The following ITSN2 variants were observed in gnomAD, a reference collection of about 807,000 sequenced individuals.
ITSN2 encodes the protein intersectin-2.
ITSN2 carries 156 observed loss-of-function variants against 243.7 expected under a neutral mutation model. The ratio of observed to expected loss-of-function variants is 0.64; its 90% CI spans 0.56 to 0.73. ITSN2 has a LOEUF of 0.73. ITSN2 is among the 30% of genes least tolerant of loss of function. ITSN2 has a pLI of 0.00. For missense variants in ITSN2, 1,801 were observed against 1,996.1 expected, an observed-to-expected ratio of 0.90 and a Z score of 1.86; for synonymous variants, 703 against 699.9, an observed-to-expected ratio of 1.00 and a Z score of -0.07.
At chr2:24,270,591 A>G in intron 20 of ITSN2, 80 bp downstream of exon 20, 3 of 714,284 alleles carry the variant, frequency 4.2e-6, no homozygotes, top group Non-Finnish European at 7.3e-6. Context: ...TATGAAATTA[A>G]TGGTCAACAT....
chr2:24,246,370 C>T, intron 28 of ITSN2, 50 bp from the exon 29 acceptor site: 2 of 1,105,216 alleles, frequency 1.8e-6, no homozygotes, highest in Non-Finnish European at 2.6e-6. Flanking sequence ...ATTATTCCTG[C>T]AAGGGTCAAT....
At chr2:24,306,637 G>A (rs1233984560) in intron 8 of ITSN2, among the ~76,000 whole-genome samples, 1 of 152,052 alleles carries the variant, frequency 6.6e-6, no homozygotes, top group Non-Finnish European at 1.5e-5. Context: ...TTTTGTAAAT[G>A]TCTTTTTCAT....
intron 29 of ITSN2, among the ~76,000 whole-genome samples, chr2:24,242,461 A>G (rs1484148212): frequency 6.6e-6 from 1 of 152,166 alleles, no homozygotes; most frequent in African/African-American, 2.4e-5. Context: ...ATTCATCTAT[A>G]AAAAGCTGGG....
rs982363840 is a variant in ITSN2 at position 24,211,107 on chromosome 2, G to A, written c.4090-160C>T. Among the ~76,000 whole-genome samples, 1 of 152,158 alleles carries A rather than the reference G, an allele frequency of 6.6e-6. No individual in the cohort carries two copies. The highest frequency in any genetic ancestry group is 2.4e-5 in the African/African-American group (1 of 41,426). ...GACACTTTCCGCCCTTGAGAAACTC[G>A]TACTCCCACAAGTTCTTGGGGACAC... On this transcript the variant is annotated intron_variant, in intron 33 of 39. Transcript: ENST00000355123. This position sits in a 1 kb window ranked among gnomAD's most constrained non-coding sequence, Gnocchi z 4.1.
chr2:24,206,412 G>T, intron 37 of ITSN2: 1 of 290,170 alleles, frequency 3.4e-6, no homozygotes. Flanking sequence ...GGGGAGGAAG[G>T]TGGAGATGCA....
chr2:24,356,254 A>G (rs1258722959), intron 1 of ITSN2, among the ~76,000 whole-genome samples: 2 of 150,308 alleles, frequency 1.3e-5, no homozygotes, highest in African/African-American at 4.9e-5. Flanking sequence ...AATCCCAGCT[A>G]CTTGGGAGGT....
intron 9 of ITSN2, among the ~76,000 whole-genome samples, chr2:24,303,331 C>CT (rs1299668085): frequency 6.6e-6 from 1 of 152,188 alleles, no homozygotes; most frequent in Non-Finnish European, 1.5e-5. Flanking sequence ...TACTGATGAT[C>CT]TTGACCCTCT....
intron 1 of ITSN2, among the ~76,000 whole-genome samples, chr2:24,328,889 A>G (rs1212274811): frequency 6.6e-6 from 1 of 152,240 alleles, no homozygotes; most frequent in Non-Finnish European, 1.5e-5. Flanking sequence ...ACACAAAATT[A>G]TTAAAATACA....
At chr2:24,319,712 C>A (rs1684330397) in intron 2 of ITSN2, among the ~76,000 whole-genome samples, 1 of 152,242 alleles carries the variant, frequency 6.6e-6, no homozygotes, top group African/African-American at 2.4e-5. Flanking sequence ...GTTAGAGGCA[C>A]TATCAACCTG....
In ITSN2 at chr2:24,281,768, T is replaced by C. The variant is rs561283475; in HGVS notation, c.1944+2995A>G. Among the ~76,000 whole-genome samples, 8 of 152,348 alleles carry C rather than the reference T, an allele frequency of 5.3e-5. No individual in the cohort carries two copies. In the South Asian group the frequency reaches 1.5e-3, roughly 28 times the overall value. ...TCTCCTGAAACTTCCTAATCTTCCA[T>C]CCATTCTCCTCACTACCAGCTATAA... On this transcript the variant is annotated intron_variant, in intron 17 of 39. Transcript: ENST00000355123.
chr2:24,317,682 C>G (rs1025419780), intron 2 of ITSN2, among the ~76,000 whole-genome samples: 1 of 152,186 alleles, frequency 6.6e-6, no homozygotes, highest in African/African-American at 2.4e-5. Flanking sequence ...AAATTGAAAA[C>G]AAATCTCAAC....
chr2:24,246,169 G>C lies in ITSN2; in HGVS notation c.3537C>G (p.Asn1179Lys), dbSNP rs1218626491. The C allele has an allele frequency of 6.2e-7, 1 of 1,613,320 alleles. No individual in the cohort carries two copies. The highest frequency in any genetic ancestry group is 2.2e-5 in the East Asian group (1 of 44,834). Residue 1179 changes from asparagine (N) to lysine (K), a missense_variant, in exon 29 of 40, where the codon AAC (asparagine) becomes AAG (lysine). Asn to Lys is a moderately conservative substitution (Grantham distance 94). Transcript: ENST00000355123. ...INGVTGLFPS[N>K]YVKMTTDSDP... is the part of the protein sequence containing the mutation. ...CTGAGTCTGTCGTCATCTTAACGTAGTTTGAAGGAAAGAGACCAGTCACCC... is the reference window on the plus strand; with the variant it reads ...CTGAGTCTGTCGTCATCTTAACGTACTTTGAAGGAAAGAGACCAGTCACCC...
chr2:24,322,081 T>C (rs1040061692), intron 2 of ITSN2, among the ~76,000 whole-genome samples: 1 of 152,158 alleles, frequency 6.6e-6, no homozygotes, highest in African/African-American at 2.4e-5. Flanking sequence ...TCATGTTCCT[T>C]CTAATTCAGA....
intron 4 of ITSN2, among the ~76,000 whole-genome samples, chr2:24,313,100 T>C (rs867371717): frequency 1.1e-4 from 17 of 148,252 alleles, no homozygotes; most frequent in South Asian, 2.2e-4. Context: ...TTTTTTTTTT[T>C]CTAAAGAGAG....
chr2:24,211,069 C>A lies in ITSN2; in HGVS notation c.4090-122G>T. ...CTGCTTCCATGCCCTGGAAACGCGG[C>A]GGTGAACAAGACGACACTTTCCGCC... On this transcript the variant is annotated intron_variant, in intron 33 of 39. Transcript: ENST00000355123. The surrounding 1 kb of genome is among the most constrained non-coding windows in gnomAD (Gnocchi z 4.1). 1.1e-6 allele frequency: 1 copy of A among 889,196 alleles called. No individual in the cohort carries two copies. The highest frequency in any genetic ancestry group is 1.7e-5 in the South Asian group (1 of 59,600). The allele number at this position is 889,196 out of a possible 1,614,324, so 55.1% of individuals were successfully genotyped here.
chr2:24,279,721 A>ATT (rs1574125875), intron 17 of ITSN2, among the ~76,000 whole-genome samples: 4 of 118,464 alleles, frequency 3.4e-5, no homozygotes, highest in Admixed American at 1.7e-4. Flanking sequence ...AGATGTGTGA[A>ATT]TTTTCTTTTT....
At chr2:24,337,438 C>G (rs184276161) in intron 1 of ITSN2, among the ~76,000 whole-genome samples, 1 of 146,348 alleles carries the variant, frequency 6.8e-6, no homozygotes, top group Non-Finnish European at 1.5e-5. Context: ...GCAACCTCAG[C>G]CTCCTGGGTT....
intron 29 of ITSN2, among the ~76,000 whole-genome samples, chr2:24,224,969 A>G (rs895033816): frequency 6.6e-6 from 1 of 152,016 alleles, no homozygotes; most frequent in Non-Finnish European, 1.5e-5. Context: ...TTTCCAACCC[A>G]GCTCCTACCC....
At chr2:24,294,322 A>G (rs1246273544) in intron 14 of ITSN2, among the ~76,000 whole-genome samples, 1 of 152,216 alleles carries the variant, frequency 6.6e-6, no homozygotes. Flanking sequence ...GCTACTCAGA[A>G]GGCTGAAGCA....
Sources: gnomAD v4.1 joint callset for allele counts (sites outside exome capture counted in the v4.1 genomes callset) on GRCh38, gnomAD v4.1.1 for gene constraint, Gnocchi (gnomAD v3.1) non-coding constraint, MANE v1.5 for transcripts, NCBI Gene and HGNC (gene_info 2026-07-23, HGNC 2026-07-21) for gene names.